The following STK35 variants were observed in gnomAD, a reference collection of about 807,000 sequenced individuals.
STK35 encodes serine/threonine kinase 35.
A neutral mutation model predicts 37.3 loss-of-function variants in STK35; 17 were observed. That is an observed-to-expected ratio of 0.46 (90% CI 0.31 to 0.68). STK35 has a LOEUF of 0.68. Ranked by LOEUF, STK35 falls within the 30% of genes least tolerant of loss-of-function variation. STK35 has a pLI of 0.05. For missense variants in STK35, 595 were observed against 746.7 expected, an observed-to-expected ratio of 0.80 and a Z score of 2.37; for synonymous variants, 385 against 319.1, an observed-to-expected ratio of 1.21 and a Z score of -2.20.
intron 3 of STK35, among the ~76,000 whole-genome samples, chr20:2,130,725 A>G (rs1381595071): frequency 6.6e-6 from 1 of 152,056 alleles, no homozygotes; most frequent in Non-Finnish European, 1.5e-5. Flanking sequence ...GGGGAGGGAG[A>G]TGGGGGAAGA....
At chr20:2,111,768 T>C (rs1539192) in intron 2 of STK35, among the ~76,000 whole-genome samples, 1 of 152,210 alleles carries the variant, frequency 6.6e-6, no homozygotes, top group African/African-American at 2.4e-5. Flanking sequence ...TAAATCCACC[T>C]TAGAAGATAT....
At chr20:2,111,877 CATCCTGGGAGACGCAGCTGCAG>C (rs1985625461) in intron 2 of STK35, among the ~76,000 whole-genome samples, 1 of 152,212 alleles carries the variant, frequency 6.6e-6, no homozygotes, top group Non-Finnish European at 1.5e-5. Context: ...CCACTCCCCT[CATCCTGGGAGACGCAGCTGCAG>C]GGCCTCTCGC....
intron 3 of STK35, among the ~76,000 whole-genome samples, chr20:2,141,002 A>G (rs987014480): frequency 2.6e-5 from 4 of 152,230 alleles, no homozygotes; most frequent in African/African-American, 7.2e-5. Context: ...GAGGAAAGGA[A>G]TGCTGGAAAG....
At chr20:2,122,642 A>G (rs1985838988) in intron 3 of STK35, among the ~76,000 whole-genome samples, 1 of 152,126 alleles carries the variant, frequency 6.6e-6, no homozygotes, top group Admixed American at 6.5e-5. Flanking sequence ...TATAAAATGG[A>G]GTTGATCCTA....
chr20:2,116,135 C>T (rs189034963), intron 2 of STK35, among the ~76,000 whole-genome samples: 1 of 152,052 alleles, frequency 6.6e-6, no homozygotes, highest in Non-Finnish European at 1.5e-5. Context: ...ATTGATGGAT[C>T]GGACTGTGCC....
At chr20:2,114,139 G>A (rs746502755) in intron 2 of STK35, among the ~76,000 whole-genome samples, 2 of 152,098 alleles carry the variant, frequency 1.3e-5, no homozygotes, top group Non-Finnish European at 1.5e-5. Context: ...TCTGCTTGGA[G>A]TAAAGGACTA....
intron 3 of STK35, among the ~76,000 whole-genome samples, chr20:2,129,304 G>T (rs1326958514): frequency 6.6e-6 from 1 of 152,148 alleles, no homozygotes; most frequent in Non-Finnish European, 1.5e-5. Flanking sequence ...CTTCGTAAAG[G>T]GGGGTTGCTA....
In STK35 at chr20:2,108,488, C is replaced by T. The variant is rs144466864; in HGVS notation, c.892+5123C>T. Among the ~76,000 whole-genome samples, 111 of 152,174 alleles carry T rather than the reference C, an allele frequency of 7.3e-4. No homozygotes were observed. The East Asian group carries it at 0.02, about 27-fold the overall frequency. ...TCGCATCAGTGCACTCCAGCCTGGG[C>T]GACAGAGCAAGACTGTCTCCAAAAA... On this transcript the variant is annotated intron_variant, in intron 2 of 3. Coordinates refer to ENST00000381482, the MANE Select transcript of STK35 (RefSeq NM_080836.4).
intron 2 of STK35, among the ~76,000 whole-genome samples, chr20:2,115,419 G>C (rs545264704): frequency 5.1e-4 from 78 of 152,282 alleles, no homozygotes; most frequent in African/African-American, 1.7e-3. Context: ...ACTGGGGCCA[G>C]AGAGAGGACT....
intron 3 of STK35, among the ~76,000 whole-genome samples, chr20:2,123,092 G>A (rs1985847105): frequency 6.6e-6 from 1 of 152,186 alleles, no homozygotes; most frequent in Admixed American, 6.5e-5. Context: ...AGTGTTGTGG[G>A]ATGAGGGAAT....
chr20:2,102,780 G>A lies in STK35; in HGVS notation c.307G>A (p.Gly103Ser). ...CTTTCGCCCGCAGGTCACAATCCAA[G>A]GTCCGGCTCCTCCGCGTCCCAGGGC... is the stretch of plus-strand genomic sequence containing the variant. ...WRCAGQVTIQ[G>S]PAPPRPRAGR... Residue 103 changes from glycine to serine, a missense_variant, in exon 2 of 4, where the codon GGT becomes AGT. Physicochemically the swap from Gly to Ser is moderately conservative, Grantham distance 56. Around this residue, in one of 3 missense-constraint regions of STK35, gnomAD observed 389 missense variants for 320.0 expected, o/e 1.22. Coordinates refer to ENST00000381482, the MANE Select transcript of STK35 (RefSeq NM_080836.4). 1 of 1,458,340 alleles carries A rather than the reference G, an allele frequency of 6.9e-7. No homozygotes were observed. Among genetic ancestry groups the A allele is most frequent in the African/African-American group, 1.5e-5 (1 of 68,642 alleles). The allele number at this position is 1,458,340 out of a possible 1,614,324, so 90.3% of individuals were successfully genotyped here.
chr20:2,139,127 G>C (rs968316149), intron 3 of STK35, among the ~76,000 whole-genome samples: 3 of 152,184 alleles, frequency 2.0e-5, no homozygotes, highest in Non-Finnish European at 4.4e-5. Flanking sequence ...TGTGCCTGCA[G>C]GCTGAGGAGT....
At chr20:2,142,999 C>T (rs952952988) in intron 3 of STK35, among the ~76,000 whole-genome samples, 32 of 152,228 alleles carry the variant, frequency 2.1e-4, no homozygotes, top group African/African-American at 7.7e-4. Flanking sequence ...TAATAGCCAA[C>T]ACTAATAGGA....
At chr20:2,110,276 C>T (rs1985592873) in intron 2 of STK35, among the ~76,000 whole-genome samples, 2 of 152,086 alleles carry the variant, frequency 1.3e-5, no homozygotes, top group Non-Finnish European at 2.9e-5. Flanking sequence ...TTCGGGGTTC[C>T]CTCATCCTTT....
At chr20:2,110,944 CTT>C (rs1397947576) in intron 2 of STK35, among the ~76,000 whole-genome samples, 1 of 152,236 alleles carries the variant, frequency 6.6e-6, no homozygotes, top group Non-Finnish European at 1.5e-5. Flanking sequence ...GTTACTTAAT[CTT>C]TTGCTCCTGA....
chr20:2,139,104 C>T (rs759996265), intron 3 of STK35, among the ~76,000 whole-genome samples: 2 of 152,168 alleles, frequency 1.3e-5, no homozygotes, highest in Non-Finnish European at 2.9e-5. Context: ...AAGGGATAAT[C>T]ACCAAGGTAT....
chr20:2,126,011 G>C (rs1348334421), intron 3 of STK35, among the ~76,000 whole-genome samples: 1 of 152,218 alleles, frequency 6.6e-6, no homozygotes, highest in Non-Finnish European at 1.5e-5. Flanking sequence ...CCTGGCAGAA[G>C]CCCATTCTGA....
chr20:2,129,356 T>C (rs1037420993), intron 3 of STK35, among the ~76,000 whole-genome samples: 1 of 152,004 alleles, frequency 6.6e-6, no homozygotes, highest in Non-Finnish European at 1.5e-5. Context: ...AGAACGGGAA[T>C]GAAAAGCTGG....
At chr20:2,111,010 C>T (rs1243102527) in intron 2 of STK35, among the ~76,000 whole-genome samples, 1 of 152,192 alleles carries the variant, frequency 6.6e-6, no homozygotes, top group Non-Finnish European at 1.5e-5. Flanking sequence ...ATAGCAGTTT[C>T]GAGTAACCAG....
Sources: gnomAD v4.1 joint callset for allele counts (sites outside exome capture counted in the v4.1 genomes callset) on GRCh38, gnomAD v4.1.1 for gene constraint, gnomAD v4.1.1 regional missense constraint, MANE v1.5 for transcripts, NCBI Gene and HGNC (gene_info 2026-07-23, HGNC 2026-07-21) for gene names.